The following PIK3C2G variants were observed in gnomAD, a reference collection of about 807,000 sequenced individuals.
PIK3C2G encodes phosphatidylinositol 3-kinase C2 domain-containing subunit gamma.
PIK3C2G carries 168 observed loss-of-function variants against 181.1 expected under a neutral mutation model. That is an observed-to-expected ratio of 0.93 (90% CI 0.82 to 1.05). The LOEUF (loss-of-function observed/expected upper bound fraction) is 1.05, where lower values mean the gene tolerates loss of function less well. PIK3C2G is among the 50% of genes least tolerant of loss of function. PIK3C2G has a pLI of 0.00. For missense variants in PIK3C2G, 1,869 were observed against 1,732.8 expected, an observed-to-expected ratio of 1.08 and a Z score of -1.40; for synonymous variants, 573 against 592.2, an observed-to-expected ratio of 0.97 and a Z score of 0.47.
chr12:18,481,871 A>G (rs1421315534), intron 18 of PIK3C2G, among the ~76,000 whole-genome samples: 3 of 152,122 alleles, frequency 2.0e-5, no homozygotes, highest in Non-Finnish European at 4.4e-5. Flanking sequence ...CTCACCTGCA[A>G]TGCAATCAGG....
chr12:18,407,722 A>G (rs974974029), intron 16 of PIK3C2G, among the ~76,000 whole-genome samples: 1 of 152,174 alleles, frequency 6.6e-6, no homozygotes, highest in Non-Finnish European at 1.5e-5. Flanking sequence ...TCCTTAAGTA[A>G]GTTATATTCG....
chr12:18,350,869 A>G (rs1364042759), intron 11 of PIK3C2G, among the ~76,000 whole-genome samples: 1 of 152,186 alleles, frequency 6.6e-6, no homozygotes, highest in Non-Finnish European at 1.5e-5. Flanking sequence ...GATGGGGCCA[A>G]TATGATAGTG....
At position 18,282,538 on chromosome 12, in the gene PIK3C2G, A is replaced by G. The variant is rs748292087; in HGVS notation, c.457A>G (p.Lys153Glu). The change falls in exon 2 of 33, where the codon AAA becomes GAA. Residue 153 changes from lysine to glutamate, a missense_variant. Physicochemically the swap from Lys to Glu is moderately conservative, Grantham distance 56 (BLOSUM62 1). Transcript: ENST00000538779. ...AGCTCCATCATTCACAAGTTTGGAT[A>G]AAATTAATCTAGAGAAAGAATTAGA... is the stretch of plus-strand genomic sequence containing the variant. ...ILAPSFTSLDKINLEKELENE... is the reference protein window; with the variant it reads ...ILAPSFTSLDEINLEKELENE... The G allele has an allele frequency of 4.3e-6, 7 of 1,611,022 alleles. No homozygotes were observed. Among genetic ancestry groups the G allele is most frequent in the East Asian group, 2.2e-5 (1 of 44,870 alleles).
chr12:18,508,785 C>A (rs1942019754), intron 24 of PIK3C2G, among the ~76,000 whole-genome samples: 2 of 152,038 alleles, frequency 1.3e-5, no homozygotes, highest in South Asian at 4.2e-4. Flanking sequence ...CCATAATATA[C>A]AAAACCAGAT....
intron 32 of PIK3C2G, among the ~76,000 whole-genome samples, chr12:18,645,226 G>T (rs556385857): frequency 8.5e-5 from 13 of 152,130 alleles, no homozygotes; most frequent in African/African-American, 3.1e-4. Flanking sequence ...AGGTCTCAAA[G>T]AATATAATCA....
upstream of PIK3C2G, among the ~76,000 whole-genome samples, chr12:18,246,872 T>C (rs1948045472): frequency 6.6e-6 from 1 of 152,214 alleles, no homozygotes; most frequent in Non-Finnish European, 1.5e-5. Context: ...TGGCATATTC[T>C]GGTGTATAAG....
chr12:18,292,267 A>C (rs998646263), intron 4 of PIK3C2G, among the ~76,000 whole-genome samples: 1 of 134,582 alleles, frequency 7.4e-6, no homozygotes, highest in Non-Finnish European at 1.6e-5. Flanking sequence ...GATTTATTAT[A>C]GAATTCAAGT....
intron 18 of PIK3C2G, among the ~76,000 whole-genome samples, chr12:18,428,661 G>A (rs1406080420): frequency 6.6e-6 from 1 of 152,196 alleles, no homozygotes; most frequent in Non-Finnish European, 1.5e-5. Context: ...TGGCATCACT[G>A]TGGGTAGCCT....
At chr12:18,621,069 T>C (rs1324223098) in intron 31 of PIK3C2G, among the ~76,000 whole-genome samples, 1 of 152,042 alleles carries the variant, frequency 6.6e-6, no homozygotes, top group African/African-American at 2.4e-5. Flanking sequence ...TTTATCTGTT[T>C]TGTATAGTTT....
At chr12:18,272,181 C>T (rs10841005) in intron 1 of PIK3C2G, among the ~76,000 whole-genome samples, 56,323 of 151,884 alleles carry the variant, frequency 0.37, 10,570 homozygotes, top group Non-Finnish European at 0.41. Flanking sequence ...TTAATGTATT[C>T]CTGCTCCGTT....
chr12:18,699,437 C>T, the PIK3C2G span, among the ~76,000 whole-genome samples: 1 of 152,126 alleles, frequency 6.6e-6, no homozygotes, highest in Admixed American at 6.6e-5. Flanking sequence ...TTCTCCTGCG[C>T]ACCTTCGCTT....
At chr12:18,431,670 C>T (rs1019223730) in intron 18 of PIK3C2G, among the ~76,000 whole-genome samples, 3 of 152,186 alleles carry the variant, frequency 2.0e-5, no homozygotes, top group African/African-American at 7.2e-5. Context: ...ACACATGATA[C>T]AGAATCCATA....
intron 25 of PIK3C2G, among the ~76,000 whole-genome samples, chr12:18,542,222 T>C (rs1440732647): frequency 1.3e-5 from 2 of 151,840 alleles, no homozygotes; most frequent in Non-Finnish European, 2.9e-5. Context: ...TCTGCCTCAA[T>C]GAGCACACGG....
At chr12:18,406,908 G>A (rs1944567485) in intron 16 of PIK3C2G, among the ~76,000 whole-genome samples, 1 of 152,158 alleles carries the variant, frequency 6.6e-6, no homozygotes, top group Non-Finnish European at 1.5e-5. Context: ...TACATATTTT[G>A]TCCTTGTATG....
chr12:18,640,354 G>A, intron 31 of PIK3C2G, 75 bp from the exon 32 acceptor site: 1 of 1,285,758 alleles, frequency 7.8e-7, no homozygotes, highest in Non-Finnish European at 1.1e-6. Context: ...CCTTTGGTCT[G>A]GATATTTAGT....
intron 18 of PIK3C2G, among the ~76,000 whole-genome samples, chr12:18,430,716 T>A (rs1433957217): frequency 1.3e-5 from 2 of 152,108 alleles, no homozygotes; most frequent in African/African-American, 4.8e-5. Context: ...TGGATATCAC[T>A]AGTGAAACCA....
At chr12:18,621,108 A>G (rs1236776497) in intron 31 of PIK3C2G, among the ~76,000 whole-genome samples, 2 of 151,976 alleles carry the variant, frequency 1.3e-5, no homozygotes, top group Non-Finnish European at 2.9e-5. Context: ...TGGATAGTTC[A>G]TCTTCTCTTG....
At chr12:18,349,424 AAG>A (rs1399476940) in intron 11 of PIK3C2G, among the ~76,000 whole-genome samples, 3 of 152,190 alleles carry the variant, frequency 2.0e-5, no homozygotes, top group African/African-American at 7.2e-5. Flanking sequence ...TACAATAAAA[AAG>A]AGTGAAACAT....
chr12:18,261,607 T>C (rs776921725), intron 1 of PIK3C2G, 30 bp downstream of exon 1: 8 of 152,124 alleles, frequency 5.3e-5, no homozygotes, highest in Non-Finnish European at 7.4e-5. Context: ...AAACTTCCTA[T>C]ACTTAACTAC....
Sources: allele counts gnomAD v4.1 joint callset (sites outside exome capture counted in the v4.1 genomes callset), GRCh38; gene constraint gnomAD v4.1.1; transcripts MANE v1.5; gene names NCBI Gene and HGNC (gene_info 2026-07-23, HGNC 2026-07-21).